SNX27: variants seen among roughly 807,000 people sequenced by gnomAD.
The protein encoded by SNX27 is sorting nexin 27.
In SNX27, 22 loss-of-function variants were observed where a neutral mutation model predicts 71.6. That is an observed-to-expected ratio of 0.31 (90% CI 0.22 to 0.44). The LOEUF is 0.44. Ranked by LOEUF, SNX27 falls within the 20% of genes least tolerant of loss-of-function variation. SNX27 has a pLI of 1.00. For missense variants in SNX27, 531 were observed against 698.6 expected (o/e 0.76, Z 2.70); for synonymous variants, 269 against 277.2 (o/e 0.97, Z 0.29).
intron 8 of SNX27, among the ~76,000 whole-genome samples, chr1:151,689,011 A>AT (rs1212910928): frequency 6.6e-6 from 1 of 152,068 alleles, no homozygotes; most frequent in Non-Finnish European, 1.5e-5. Flanking sequence ...CACTTGGGTT[A>AT]TTTTTAGAGC....
intron 2 of SNX27, among the ~76,000 whole-genome samples, chr1:151,642,940 T>C (rs1333080525): frequency 6.6e-6 from 1 of 151,386 alleles, no homozygotes; most frequent in African/African-American, 2.4e-5. Context: ...GCGCCCTGCC[T>C]ATTTTTTATT....
chr1:151,680,763 A>G (rs1470305868), intron 7 of SNX27, among the ~76,000 whole-genome samples: 1 of 152,224 alleles, frequency 6.6e-6, no homozygotes, highest in Non-Finnish European at 1.5e-5. Context: ...TGGATAGACC[A>G]GTATTGTTTA....
chr1:151,636,924 T>C (rs540394442), intron 1 of SNX27, among the ~76,000 whole-genome samples: 16 of 152,076 alleles, frequency 1.1e-4, no homozygotes, highest in Non-Finnish European at 2.1e-4. Context: ...GATATAAATG[T>C]TTAGGAATTG....
At chr1:151,645,800 T>A (rs760017720) in intron 2 of SNX27, among the ~76,000 whole-genome samples, 1 of 152,258 alleles carries the variant, frequency 6.6e-6, no homozygotes, top group Non-Finnish European at 1.5e-5. Context: ...GCCCTCTTAA[T>A]GCAGGAGTGT....
chr1:151,630,276 A>T (rs74953645), intron 1 of SNX27, among the ~76,000 whole-genome samples: 3,517 of 152,230 alleles, frequency 0.023, 128 homozygotes, highest in African/African-American at 0.079. Context: ...ATTAGTTAAA[A>T]TATTATGACC....
intron 7 of SNX27, chr1:151,678,667 C>T (rs779696348): frequency 1.3e-5 from 2 of 152,102 alleles, no homozygotes; most frequent in Admixed American, 6.6e-5. Context: ...AACTGCTATA[C>T]TATTTTCCAT....
intron 1 of SNX27, among the ~76,000 whole-genome samples, chr1:151,632,528 A>C (rs1215616412): frequency 6.6e-6 from 1 of 152,226 alleles, no homozygotes; most frequent in Admixed American, 6.5e-5. Flanking sequence ...TAAGACAAAA[A>C]AGCCAAAGCA....
Position 151,612,354 on chromosome 1 carries a change from C to T in SNX27, c.153C>T (p.Ser51=). 1.9e-6 allele frequency: 3 copies of T among 1,548,536 alleles called. No homozygotes were observed. Among genetic ancestry groups the T allele is most frequent in the Non-Finnish European group, 2.6e-6 (3 of 1,152,286 alleles). ...PRVVRIVKSE[S]GYGFNVRGQV... Reference sequence around the variant, plus strand: ...TCGTGCGCATCGTCAAGTCCGAGTCCGGCTACGGCTTCAACGTGCGGGGCC... The same window carrying T: ...TCGTGCGCATCGTCAAGTCCGAGTCTGGCTACGGCTTCAACGTGCGGGGCC... The change falls in exon 1 of 12, where the codon TCC becomes TCT. Residue 51 remains serine (S), a synonymous_variant. Transcript: ENST00000458013. The surrounding 1 kb of genome is among the most constrained non-coding windows in gnomAD (Gnocchi z 5.2).
Position 151,660,851 on chromosome 1 carries a change from G to C in SNX27, c.790G>C (p.Glu264Gln), listed in dbSNP as rs908638420. 6.2e-7 allele frequency: 1 copy of C among 1,610,352 alleles called. No homozygotes were observed. Among genetic ancestry groups the C allele is most frequent in the Non-Finnish European group, 8.5e-7 (1 of 1,176,690 alleles). ...ESDIMQEFLS[E>Q]SDENYNGVSD... ...TGACATCATGCAGGAATTCCTATCA[G>C]AATCCGATGAGGTAGGTGAATATCT... Residue 264 changes from glutamate to glutamine, a missense_variant, in exon 4 of 12, where the codon GAA becomes CAA. Glu to Gln is a conservative substitution (Grantham distance 29). Around this residue, in one of 5 missense-constraint regions of SNX27, gnomAD observed 184 missense variants for 289.6 expected, o/e 0.64. Coordinates refer to ENST00000458013, the MANE Select transcript of SNX27 (RefSeq NM_001330723.2).
intron 1 of SNX27, among the ~76,000 whole-genome samples, chr1:151,627,770 T>C: frequency 6.6e-6 from 1 of 152,098 alleles, no homozygotes; most frequent in East Asian, 1.9e-4. Context: ...GATTTTGACA[T>C]GCATTATGTC....
At chr1:151,680,042 GT>G (rs1413081791) in intron 7 of SNX27, 7 of 150,992 alleles carry the variant, frequency 4.6e-5, no homozygotes, top group Admixed American at 4.0e-4. Context: ...TATATGTTTT[GT>G]TTTTTTAAAT....
chr1:151,645,584 G>T (rs1344071616), intron 2 of SNX27, among the ~76,000 whole-genome samples: 1 of 152,220 alleles, frequency 6.6e-6, no homozygotes, highest in Non-Finnish European at 1.5e-5. Context: ...GAAGGGATTA[G>T]TCTGAGATAC....
At chr1:151,637,153 G>GTTTTTTTTTT (rs200938062) in intron 1 of SNX27, among the ~76,000 whole-genome samples, 4 of 64,082 alleles carry the variant, frequency 6.2e-5, no homozygotes, top group Non-Finnish European at 9.8e-5. Flanking sequence ...AGTTGATCAC[G>GTTTTTTTTTT]TTTTTTTTGT....
Position 151,623,224 on chromosome 1 carries a change from T to C in SNX27, c.311+10712T>C, listed in dbSNP as rs148284226. 8.0e-3 allele frequency among the ~76,000 whole-genome samples: 1,217 copies of C among 152,198 alleles called. 12 individuals carry two copies. Among genetic ancestry groups the C allele is most frequent in the African/African-American group, 0.028 (1,159 of 41,510 alleles). ...TGGCACGATTTTGGCTTACTGCAAT[T>C]CTGCCTCCCAGGTTCAAGTGATTCT... On this transcript the variant is annotated intron_variant, in intron 1 of 11. Transcript: ENST00000458013.
intron 2 of SNX27, among the ~76,000 whole-genome samples, chr1:151,654,209 C>T (rs913229606): frequency 6.6e-6 from 1 of 152,184 alleles, no homozygotes; most frequent in Non-Finnish European, 1.5e-5. Context: ...GACAAGTTCT[C>T]TCTTTACATT....
intron 10 of SNX27, 44 bp from the exon 11 acceptor site, chr1:151,693,380 C>G (rs763319749): frequency 6.3e-7 from 1 of 1,581,296 alleles, no homozygotes; most frequent in Non-Finnish European, 8.7e-7. Context: ...TCCTGAGATG[C>G]CTGCTCTTGA....
rs1558080045 is a variant in SNX27, at chr1:151,694,414, C to T, written c.1623C>T (p.Thr541=). Residue 541 remains threonine, a synonymous_variant, in exon 12 of 12, where the codon ACC becomes ACT. Coordinates refer to ENST00000458013, the MANE Select transcript of SNX27 (RefSeq NM_001330723.2). The part of the protein sequence containing the change: ...MARSQQRDVA[T] ...GGTCACAGCAGAGAGATGTGGCCACCTAGCCTTTCCTTATCCCCTTCCCTT... is the reference window on the plus strand; with the variant it reads ...GGTCACAGCAGAGAGATGTGGCCACTTAGCCTTTCCTTATCCCCTTCCCTT... The T allele has an allele frequency of 6.5e-7, 1 of 1,550,358 alleles. No homozygotes were observed. Among genetic ancestry groups the T allele is most frequent in the East Asian group, 2.4e-5 (1 of 40,916 alleles).
intron 7 of SNX27, chr1:151,678,519 T>G (rs1410542238): frequency 6.6e-6 from 1 of 152,188 alleles, no homozygotes; most frequent in Non-Finnish European, 1.5e-5. Flanking sequence ...ACAGTTGGGT[T>G]TCTTTCATTT....
intron 1 of SNX27, chr1:151,615,794 A>T (rs1667399268): frequency 1.0e-6 from 1 of 985,004 alleles, no homozygotes; most frequent in Non-Finnish European, 1.2e-6. Flanking sequence ...TTGTTTGGAC[A>T]ACTGACAGTG....
Sources: gnomAD v4.1 joint callset for allele counts (sites outside exome capture counted in the v4.1 genomes callset) on GRCh38, gnomAD v4.1.1 for gene constraint, gnomAD v4.1.1 regional missense constraint, Gnocchi (gnomAD v3.1) non-coding constraint, MANE v1.5 for transcripts, NCBI Gene and HGNC (gene_info 2026-07-23, HGNC 2026-07-21) for gene names.